SHLD1: variants seen among roughly 807,000 people sequenced by gnomAD.
The protein encoded by SHLD1 is RINN1-REV7-interacting novel NHEJ regulator 3.
In SHLD1, 3 loss-of-function variants were observed where a neutral mutation model predicts 5.5. The ratio of observed to expected loss-of-function variants is 0.54; its 90% confidence interval spans 0.25 to 1.40. The LOEUF is 1.40. SHLD1 is among the 40% of genes most tolerant of loss of function. The probability of loss-of-function intolerance (pLI) is 0.15; values close to 1 mark genes in which losing one functional copy is unlikely to be tolerated. For synonymous variants in SHLD1, 92 were observed against 94.3 expected (o/e 0.98, Z 0.14); for missense variants, 210 against 244.4 (o/e 0.86, Z 0.94).
At chr20:5,767,881 C>T (rs1470820760) in intron 1 of SHLD1, among the ~76,000 whole-genome samples, 1 of 152,184 alleles carries the variant, frequency 6.6e-6, no homozygotes, top group African/African-American at 2.4e-5. Context: ...GCCAGGCCTT[C>T]CCAGAGCTGG....
At chr20:5,823,833 T>A (rs2087635709) in intron 2 of SHLD1, among the ~76,000 whole-genome samples, 1 of 152,172 alleles carries the variant, frequency 6.6e-6, no homozygotes, top group African/African-American at 2.4e-5. Context: ...GCAAGCTTCC[T>A]CCACTGCCTG....
chr20:5,841,170 A>AGTGTGTGTGTGT (rs11469039), intron 2 of SHLD1, among the ~76,000 whole-genome samples: 10 of 146,310 alleles, frequency 6.8e-5, no homozygotes, highest in South Asian at 4.3e-4. Context: ...GAAAATAGCG[A>AGTGTGTGTGTGT]GTGTGTGTGT....
At chr20:5,861,988 C>T (rs2088168979) in intron 2 of SHLD1, among the ~76,000 whole-genome samples, 1 of 152,170 alleles carries the variant, frequency 6.6e-6, no homozygotes, top group Non-Finnish European at 1.5e-5. Flanking sequence ...TCACTGTGTG[C>T]TCACATGGCT....
At position 5,774,189 on chromosome 20, in the gene SHLD1, G is replaced by T. The variant is rs565864082; in HGVS notation, c.178+1146G>T. Among the ~76,000 whole-genome samples the T allele has an allele frequency of 1.1e-3, 171 of 152,194 alleles. 1 individual carries two copies. The highest frequency in any genetic ancestry group is 0.01 in the Middle Eastern group (3 of 294). On this transcript the variant is annotated intron_variant, in intron 2 of 2. Coordinates refer to ENST00000303142, the MANE Select transcript of SHLD1 (RefSeq NM_152504.4). ...ACTTCACTCCAGTCTGAGCGAAAGA[G>T]CAAAACTCTGTCTCAAAACAAAAAA...
At chr20:5,804,084 G>A (rs1013584248) in intron 2 of SHLD1, among the ~76,000 whole-genome samples, 1 of 151,664 alleles carries the variant, frequency 6.6e-6, no homozygotes, top group Non-Finnish European at 1.5e-5. Context: ...GCCGAGGCGG[G>A]CAGATCACTT....
intron 2 of SHLD1, 122 bp from the exon 3 acceptor site, chr20:5,862,902 C>T: frequency 1.2e-6 from 1 of 833,246 alleles, no homozygotes; most frequent in East Asian, 2.6e-5. Flanking sequence ...TGATATTTCC[C>T]ATTGCCAGTT....
chr20:5,776,901 A>G (rs1012755926), intron 2 of SHLD1, among the ~76,000 whole-genome samples: 5 of 152,182 alleles, frequency 3.3e-5, no homozygotes, highest in African/African-American at 1.2e-4. Flanking sequence ...GGGCACATTA[A>G]TAGTGATCAC....
At chr20:5,782,767 T>G (rs1452400931) in intron 2 of SHLD1, among the ~76,000 whole-genome samples, 1 of 152,192 alleles carries the variant, frequency 6.6e-6, no homozygotes, top group East Asian at 1.9e-4. Flanking sequence ...AAAAAAAAGT[T>G]TGTTGTCTTC....
At chr20:5,778,041 G>A (rs1985510531) in intron 2 of SHLD1, among the ~76,000 whole-genome samples, 2 of 151,304 alleles carry the variant, frequency 1.3e-5, no homozygotes, top group Admixed American at 6.6e-5. Flanking sequence ...GACCAGGGCT[G>A]TGAGTGGTGG....
intron 1 of SHLD1, among the ~76,000 whole-genome samples, chr20:5,762,137 A>G (rs2122200431): frequency 6.6e-6 from 1 of 151,692 alleles, no homozygotes; most frequent in South Asian, 2.1e-4. Context: ...CTGTAATCCC[A>G]GCTACTCGGG....
At chr20:5,754,991 G>A (rs1006018336) in intron 1 of SHLD1, among the ~76,000 whole-genome samples, 3 of 151,988 alleles carry the variant, frequency 2.0e-5, no homozygotes, top group Admixed American at 6.6e-5. Context: ...GGGAGGTGGA[G>A]GTTGCAGTGA....
At chr20:5,862,859 C>T (rs899785157) in intron 2 of SHLD1, among the ~76,000 whole-genome samples, 165 bp from the exon 3 acceptor site, 1 of 152,168 alleles carries the variant, frequency 6.6e-6, no homozygotes, top group African/African-American at 2.4e-5. Flanking sequence ...GTGGCATAAC[C>T]TCAGGATGGT....
intron 2 of SHLD1, among the ~76,000 whole-genome samples, chr20:5,859,882 C>T (rs1388660868): frequency 6.6e-6 from 1 of 152,180 alleles, no homozygotes; most frequent in Non-Finnish European, 1.5e-5. Context: ...CTTTTGTGGA[C>T]ACTGGATTTC....
chr20:5,764,380 CAG>C (rs1346732322), intron 1 of SHLD1, among the ~76,000 whole-genome samples: 1 of 150,764 alleles, frequency 6.6e-6, no homozygotes, highest in East Asian at 1.9e-4. Context: ...CTTCAGCTAA[CAG>C]AGTGTTCAAA....
intron 2 of SHLD1, among the ~76,000 whole-genome samples, chr20:5,836,063 A>AT (rs986184369): frequency 6.8e-6 from 1 of 147,106 alleles, no homozygotes; most frequent in African/African-American, 2.5e-5. Context: ...TTTTCTGTCT[A>AT]TTTTTTTTTC....
chr20:5,803,227 G>A (rs1172884935), intron 2 of SHLD1, among the ~76,000 whole-genome samples: 3 of 151,694 alleles, frequency 2.0e-5, no homozygotes, highest in African/African-American at 2.4e-5. Context: ...GTATAGTGGC[G>A]TGATCATAAC....
chr20:5,793,449 G>T (rs950125625), intron 2 of SHLD1, among the ~76,000 whole-genome samples: 2 of 151,724 alleles, frequency 1.3e-5, no homozygotes, highest in Non-Finnish European at 2.9e-5. Context: ...CACGTTGTGG[G>T]TTTTTTTTGA....
At chr20:5,856,543 C>T (rs761935033) in intron 2 of SHLD1, among the ~76,000 whole-genome samples, 27 of 152,198 alleles carry the variant, frequency 1.8e-4, no homozygotes, top group Admixed American at 1.2e-3. Context: ...AGATCCATGG[C>T]CCATGGCCCC....
In SHLD1 at chr20:5,822,730, G is replaced by A. The variant is rs541587977; in HGVS notation, c.179-40294G>A. Reference sequence around the variant, plus strand: ...CCTAGTCATGGACTTCACACCCACCGTTAACCCCTCACTCCTGCATTATCA... The same window carrying A: ...CCTAGTCATGGACTTCACACCCACCATTAACCCCTCACTCCTGCATTATCA... On this transcript the variant is annotated intron_variant, in intron 2 of 2. Transcript: ENST00000303142. Among the ~76,000 whole-genome samples, 43 of 151,636 alleles carry A rather than the reference G, an allele frequency of 2.8e-4. 1 individual carries two copies. The South Asian group carries it at 7.1e-3, about 25-fold the overall frequency.
Sources: gnomAD v4.1 joint callset for allele counts (sites outside exome capture counted in the v4.1 genomes callset) on GRCh38, gnomAD v4.1.1 for gene constraint, MANE v1.5 for transcripts, NCBI Gene and HGNC (gene_info 2026-07-23, HGNC 2026-07-21) for gene names.